The following ZNF460 variants were observed in gnomAD, a reference collection of about 807,000 sequenced individuals.
ZNF460 encodes zinc finger protein 460, also known as zinc finger protein 272.
Under a neutral mutation model 8.4 loss-of-function variants are expected in ZNF460, and 1 was observed. The observed-to-expected ratio is 0.12, with a 90% confidence interval of 0.04 to 0.56. The LOEUF (loss-of-function observed/expected upper bound fraction) is 0.56. Ranked by LOEUF, ZNF460 falls within the 20% of genes least tolerant of loss-of-function variation. The pLI is 0.91. For missense variants in ZNF460, 477 were observed against 714.8 expected (o/e 0.67, Z 3.79); for synonymous variants, 262 against 259.9 (o/e 1.01, Z -0.08).
chr19:57,289,777 G>A (rs755928865), intron 2 of ZNF460, among the ~76,000 whole-genome samples: 1 of 151,884 alleles, frequency 6.6e-6, no homozygotes, highest in Non-Finnish European at 1.5e-5. Context: ...AGAGGTGGGC[G>A]GATTACTTGA....
At chr19:57,288,690 C>T (rs1037024073) in intron 2 of ZNF460, among the ~76,000 whole-genome samples, 16 of 152,168 alleles carry the variant, frequency 1.1e-4, no homozygotes, top group Non-Finnish European at 2.1e-4. Context: ...TATGAACTCA[C>T]GATTCAGCAC....
rs2087929720 is a variant in ZNF460, at chr19:57,292,983, A to AT, written c.*755dup. 6.6e-6 allele frequency: 1 copy of AT among 152,178 alleles called. No individual in the cohort carries two copies. The highest frequency in any genetic ancestry group is 1.5e-5 in the Non-Finnish European group (1 of 68,042). The allele number at this position is 152,178 out of a possible 1,614,324, so 9.4% of individuals were successfully genotyped here. On this transcript the variant is annotated 3_prime_UTR_variant, in exon 3 of 3. Coordinates refer to ENST00000360338, the MANE Select transcript of ZNF460 (RefSeq NM_006635.4). The stretch of plus-strand genomic sequence containing the variant: ...CAGACGCTTTGACTTTTTTAAAAAA[A>AT]TTGTTTCTCCGTGTGTCTTTAACCA...
At position 57,280,498 on chromosome 19, in the gene ZNF460, G is replaced by A. The variant is rs377598956; in HGVS notation, c.-309G>A. ...CGGTTTGGCCCTGAAACAGTGTGGG[G>A]CCTAGAGCGCTGGGTGGGCGCGTTC... On this transcript the variant is annotated 5_prime_UTR_variant, in exon 1 of 3. Coordinates refer to ENST00000360338, the MANE Select transcript of ZNF460 (RefSeq NM_006635.4). The A allele has an allele frequency of 3.2e-5, 15 of 466,830 alleles. No individual in the cohort carries two copies. The highest frequency in any genetic ancestry group is 1.2e-4 in the African/African-American group (6 of 50,166). 28.9% of individuals were successfully genotyped at this position (466,830 alleles called of 1,614,324 possible).
rs1349476176 is a variant in ZNF460 at position 57,292,000 on chromosome 19, C to T, written c.1459C>T (p.Arg487Cys). 4 of 1,613,870 alleles carry T rather than the reference C, an allele frequency of 2.5e-6. No homozygotes were observed. The highest frequency in any genetic ancestry group is 3.4e-6 in the Non-Finnish European group (4 of 1,179,988). Reference sequence around the variant, plus strand: ...CGTGGAGTGCGGGAAGGCCTTCAACCGCAGGTCACCCCTCACAAGGCACCA... The same window carrying T: ...CGTGGAGTGCGGGAAGGCCTTCAACTGCAGGTCACCCCTCACAAGGCACCA... The part of the protein sequence containing the change: ...ECVECGKAFN[R>C]RSPLTRHQRI... The change falls in exon 3 of 3, where the codon CGC becomes TGC. Residue 487 changes from arginine to cysteine, a missense_variant. By Grantham distance (180) the Arg-to-Cys change is radical. This residue lies in a region of ZNF460 where 193 missense variants were observed against 391.7 expected (regional missense o/e 0.49). Coordinates refer to ENST00000360338, the MANE Select transcript of ZNF460 (RefSeq NM_006635.4). This position sits in a 1 kb window ranked among gnomAD's most constrained non-coding sequence, Gnocchi z 8.4.
chr19:57,280,873 C>T, intron 1 of ZNF460, 37 bp downstream of exon 1: 1 of 1,613,406 alleles, frequency 6.2e-7, no homozygotes, highest in Admixed American at 1.7e-5. Context: ...TGCTGCTGTG[C>T]TATTTCTAGA....
intron 2 of ZNF460, among the ~76,000 whole-genome samples, chr19:57,285,532 C>T (rs1423292154): frequency 6.6e-6 from 1 of 152,198 alleles, no homozygotes; most frequent in African/African-American, 2.4e-5. Flanking sequence ...GATAATAGGG[C>T]CATTGCAATG....
chr19:57,282,471 G>A (rs764075711), intron 1 of ZNF460, among the ~76,000 whole-genome samples: 42 of 152,164 alleles, frequency 2.8e-4, no homozygotes, highest in Admixed American at 7.2e-4. Flanking sequence ...AGCAGGTCCA[G>A]GCCCTAACAC....
At position 57,292,295 on chromosome 19, in the gene ZNF460, G is replaced by GT. The variant is rs2087924708; in HGVS notation, c.*71dup. On this transcript the variant is annotated 3_prime_UTR_variant, in exon 3 of 3. Coordinates refer to ENST00000360338, the MANE Select transcript of ZNF460 (RefSeq NM_006635.4). ...TCCAAGAATTCCTATTAGCGAAATA[G>GT]TTTTTTAATATAACCACTGAAGAAA... 1.3e-6 allele frequency: 2 copies of GT among 1,488,694 alleles called. No individual in the cohort carries two copies. Among genetic ancestry groups the GT allele is most frequent in the Non-Finnish European group, 1.8e-6 (2 of 1,106,854 alleles). The allele number at this position is 1,488,694 out of a possible 1,614,324, so 92.2% of individuals were successfully genotyped here.
rs28397613 is a variant in ZNF460, at chr19:57,290,919, C to G, written c.378C>G (p.His126Gln). ...EKLHGKMSLE[H>Q]EGLATADGIC... The stretch of plus-strand genomic sequence containing the variant: ...TCCATGGGAAAATGAGCCTTGAACA[C>G]GAAGGTTTGGCGACAGCTGATGGTA... The change falls in exon 3 of 3, where the codon CAC becomes CAG. Residue 126 changes from histidine (H) to glutamine (Q), a missense_variant. By Grantham distance (24) the His-to-Gln change is conservative. Transcript: ENST00000360338. 1 of 1,614,134 alleles carries G rather than the reference C, an allele frequency of 6.2e-7. No individual in the cohort carries two copies. Among genetic ancestry groups the G allele is most frequent in the Non-Finnish European group, 8.5e-7 (1 of 1,180,032 alleles).
rs145610334 is a variant in ZNF460 at position 57,284,565 on chromosome 19, C to T, written c.45C>T (p.Phe15=). 1,696 of 1,612,534 alleles carry T rather than the reference C, an allele frequency of 1.1e-3. 3 individuals carry two copies. Among genetic ancestry groups the T allele is most frequent in the Admixed American group, 2.7e-3 (159 of 59,632 alleles). Residue 15 remains phenylalanine (F), a synonymous_variant, in exon 2 of 3, where the codon TTC becomes TTT. Coordinates refer to ENST00000360338, the MANE Select transcript of ZNF460 (RefSeq NM_006635.4). ...WMAPAQESVT[F]EDVAVTFTQE... The stretch of plus-strand genomic sequence containing the variant: ...TGACTTTTCAGGAGTCTGTGACCTT[C>T]GAGGATGTGGCTGTGACATTTACCC...
At chr19:57,281,173 T>C (rs1267618299) in intron 1 of ZNF460, among the ~76,000 whole-genome samples, 1 of 152,186 alleles carries the variant, frequency 6.6e-6, no homozygotes, top group African/African-American at 2.4e-5. Context: ...GGTCCTTTGC[T>C]CTTCAGAGCC....
At position 57,293,209 on chromosome 19, in the gene ZNF460, C is replaced by G. The variant is rs564112339; in HGVS notation, c.*979C>G. On this transcript the variant is annotated 3_prime_UTR_variant, in exon 3 of 3. Coordinates refer to ENST00000360338, the MANE Select transcript of ZNF460 (RefSeq NM_006635.4). ...GTTCAAAATTCACCTCAACAATTTTCTAGAGGTCAATTTGGAACCAAAAAT... is the reference window on the plus strand; with the variant it reads ...GTTCAAAATTCACCTCAACAATTTTGTAGAGGTCAATTTGGAACCAAAAAT... 2.0e-5 allele frequency: 3 copies of G among 152,228 alleles called. No homozygotes were observed. The East Asian group carries it at 5.8e-4, about 29-fold the overall frequency. The allele number at this position is 152,228 out of a possible 1,614,324, so 9.4% of individuals were successfully genotyped here. A position where few individuals can be genotyped will look rare whatever the true frequency, so the allele number is the denominator to read the frequency against.
At position 57,280,607 on chromosome 19, in the gene ZNF460, TA is replaced by T; in HGVS notation, c.-198del. 1 of 657,230 alleles carries T rather than the reference TA, an allele frequency of 1.5e-6. No homozygotes were observed. Among genetic ancestry groups the T allele is most frequent in the Non-Finnish European group, 2.6e-6 (1 of 389,452 alleles). The allele number at this position is 657,230 out of a possible 1,614,324, so 40.7% of individuals were successfully genotyped here. On this transcript the variant is annotated 5_prime_UTR_variant, in exon 1 of 3. Transcript: ENST00000360338. ...GGAGCCTGACGCCCCGCTTCTCCCC[TA>T]ACGAGGTGTCCCACCGGCGCCCGCC... is the stretch of plus-strand genomic sequence containing the variant.
intron 1 of ZNF460, among the ~76,000 whole-genome samples, chr19:57,282,411 A>G (rs145190941): frequency 2.6e-5 from 4 of 152,238 alleles, no homozygotes; most frequent in African/African-American, 7.2e-5. Context: ...GCCTGCTAGT[A>G]GGACTTAGGT....
chr19:57,292,323 CTG>C lies in ZNF460; in HGVS notation c.*96_*97del. The C allele has an allele frequency of 7.6e-7, 1 of 1,321,088 alleles. No homozygotes were observed. The highest frequency in any genetic ancestry group is 1.0e-6 in the Non-Finnish European group (1 of 964,334). 81.8% of individuals were successfully genotyped at this position (1,321,088 alleles called of 1,614,324 possible). A position where few individuals can be genotyped will look rare whatever the true frequency, so the allele number is the denominator to read the frequency against. ...TTTTAATATAACCACTGAAGAAAAT[CTG>C]TGGTGAGAGGAAACATCTTACCATC... On this transcript the variant is annotated 3_prime_UTR_variant, in exon 3 of 3. Coordinates refer to ENST00000360338, the MANE Select transcript of ZNF460 (RefSeq NM_006635.4).
upstream of ZNF460, chr19:57,280,434 G>A (rs1174958633): frequency 1.1e-5 from 3 of 271,332 alleles, no homozygotes; most frequent in Non-Finnish European, 2.2e-5. Context: ...CGGCGGAGGC[G>A]GGACTTCCGC....
chr19:57,282,420 G>A (rs78391565), intron 1 of ZNF460, among the ~76,000 whole-genome samples: 300 of 152,246 alleles, frequency 2.0e-3, no homozygotes, highest in African/African-American at 7.1e-3. Context: ...TAGGACTTAG[G>A]TAGAAAAGGA....
rs748204380 is a variant in ZNF460, at chr19:57,292,074, C to G, written c.1533C>G (p.Asn511Lys). ...CCCACGAACCCATCCAGAGTGGGAACGTTTCTTGTGAGAGCACAGATCTCA... is the reference window on the plus strand; with the variant it reads ...CCCACGAACCCATCCAGAGTGGGAAGGTTTCTTGTGAGAGCACAGATCTCA... ...EKSHEPIQSG[N>K]VSCESTDLIQ... The change falls in exon 3 of 3, where the codon AAC becomes AAG. Residue 511 changes from asparagine (N) to lysine (K), a missense_variant. Transcript: ENST00000360338. The G allele has an allele frequency of 6.2e-7, 1 of 1,614,024 alleles. No individual in the cohort carries two copies. The highest frequency in any genetic ancestry group is 2.2e-5 in the East Asian group (1 of 44,880).
chr19:57,291,291 G>A lies in ZNF460; in HGVS notation c.750G>A (p.Lys250=). 6.2e-7 allele frequency: 1 copy of A among 1,614,096 alleles called. No individual in the cohort carries two copies. ...TRHQRTHNGD[K]PFVCSECGRT... is the part of the protein sequence containing the mutation. ...ACCAGCGGACTCACAATGGAGATAA[G>A]CCCTTTGTGTGCAGTGAATGTGGAA... Residue 250 remains lysine, a synonymous_variant, in exon 3 of 3, where the codon AAG becomes AAA. Transcript: ENST00000360338. The surrounding 1 kb of genome is among the most constrained non-coding windows in gnomAD (Gnocchi z 8.4).
Sources: allele counts gnomAD v4.1 joint callset (sites outside exome capture counted in the v4.1 genomes callset), GRCh38; gene constraint gnomAD v4.1.1; regional missense constraint gnomAD v4.1.1; non-coding constraint Gnocchi (gnomAD v3.1); transcripts MANE v1.5; gene names NCBI Gene and HGNC (gene_info 2026-07-23, HGNC 2026-07-21).